The following TSC22D1 variants were observed in gnomAD, a reference collection of about 807,000 sequenced individuals.
TSC22D1 encodes TSC22 domain family protein 1.
Under a neutral mutation model 74.2 loss-of-function variants are expected in TSC22D1, and 9 were observed. That is an observed-to-expected ratio of 0.12 (90% confidence interval 0.07 to 0.21). The LOEUF (loss-of-function observed/expected upper bound fraction) is 0.21. Among genes scored for constraint, TSC22D1 ranks in the 10% least tolerant of loss-of-function variants. The pLI is 1.00. For missense variants in TSC22D1, 1,427 were observed against 1,304.7 expected (o/e 1.09, Z -1.44); for synonymous variants, 586 against 492.5 (o/e 1.19, Z -2.51).
chr13:44,470,065 A>G (rs746304105), intron 1 of TSC22D1, among the ~76,000 whole-genome samples: 18 of 152,184 alleles, frequency 1.2e-4, no homozygotes, highest in Non-Finnish European at 2.5e-4. Flanking sequence ...GCTGGAAACC[A>G]TGCCCTCTCC....
chr13:44,475,938 G>A (rs1268691905), intron 1 of TSC22D1, among the ~76,000 whole-genome samples: 1 of 152,132 alleles, frequency 6.6e-6, no homozygotes, highest in African/African-American at 2.4e-5. Flanking sequence ...GCAGTCTCCA[G>A]TGAAAATGAC....
chr13:44,570,520 A>AT (rs894354107), intron 1 of TSC22D1, among the ~76,000 whole-genome samples: 11 of 152,006 alleles, frequency 7.2e-5, no homozygotes, highest in Non-Finnish European at 1.5e-4. Flanking sequence ...AATAAGAATG[A>AT]TTTTTTTTAA....
intron 1 of TSC22D1, among the ~76,000 whole-genome samples, chr13:44,509,946 T>TAAGCAAAAAAAAAAAAAAAAAA (rs1879612700): frequency 2.3e-4 from 1 of 4,354 alleles, no homozygotes; most frequent in African/African-American, 9.8e-4. Flanking sequence ...AACTAGAAAA[T>TAAGCAAAAAAAAAAAAAAAAAA]AAGCAAAAAA....
At chr13:44,448,891 C>CTGTG (rs1875895712) in intron 1 of TSC22D1, among the ~76,000 whole-genome samples, 1 of 46,004 alleles carries the variant, frequency 2.2e-5, no homozygotes, top group African/African-American at 7.2e-5. Context: ...AATTCTAGAT[C>CTGTG]CGTGTGTGTG....
At chr13:44,572,144 A>G (rs1320685729) in intron 1 of TSC22D1, among the ~76,000 whole-genome samples, 1 of 152,184 alleles carries the variant, frequency 6.6e-6, no homozygotes, top group African/African-American at 2.4e-5. Context: ...TAACTCCTAT[A>G]ATAGCATTTT....
At chr13:44,517,396 T>C (rs1880047431) in intron 1 of TSC22D1, among the ~76,000 whole-genome samples, 1 of 151,254 alleles carries the variant, frequency 6.6e-6, no homozygotes, top group East Asian at 1.9e-4. Flanking sequence ...GGGTAAAGAT[T>C]AGAAAAAATA....
intron 1 of TSC22D1, among the ~76,000 whole-genome samples, chr13:44,438,401 T>C (rs1874914831): frequency 6.6e-6 from 1 of 152,230 alleles, no homozygotes; most frequent in Non-Finnish European, 1.5e-5. Context: ...CAGATCCATT[T>C]AGACAGTTTT....
chr13:44,541,708 A>G (rs982909489), intron 1 of TSC22D1, among the ~76,000 whole-genome samples: 2 of 152,134 alleles, frequency 1.3e-5, no homozygotes, highest in South Asian at 4.1e-4. Flanking sequence ...CAGATTAGAA[A>G]AAGGATCTGA....
chr13:44,561,393 A>G lies in TSC22D1; in HGVS notation c.2912+11770T>C, dbSNP rs564179791. On this transcript the variant is annotated intron_variant, in intron 1 of 2. Transcript: ENST00000458659. ...AACATAGTACTGATCAGGCCACTGCATGGTACAAAAACAAAAAAGAGCCCT... is the reference window on the plus strand; with the variant it reads ...AACATAGTACTGATCAGGCCACTGCGTGGTACAAAAACAAAAAAGAGCCCT... Among the ~76,000 whole-genome samples the G allele has an allele frequency of 9.3e-4, 141 of 152,336 alleles. 2 individuals are homozygous for G. In the South Asian group the frequency reaches 0.013, roughly 14 times the overall value.
chr13:44,508,423 T>C (rs1373126036), intron 1 of TSC22D1, among the ~76,000 whole-genome samples: 1 of 152,192 alleles, frequency 6.6e-6, no homozygotes. Flanking sequence ...TGGCCAGTTA[T>C]CTTCAGTTGT....
chr13:44,433,974 C>G lies in TSC22D1; in HGVS notation c.*652G>C. 6.5e-7 allele frequency: 1 copy of G among 1,534,108 alleles called. No individual in the cohort carries two copies. The highest frequency in any genetic ancestry group is 1.4e-5 in the African/African-American group (1 of 72,994). ...GTACAAAATAGTTACACTACATACACAAATATACAATAAGCAAAACAACCT... is the reference window on the plus strand; with the variant it reads ...GTACAAAATAGTTACACTACATACAGAAATATACAATAAGCAAAACAACCT... On this transcript the variant is annotated 3_prime_UTR_variant, in exon 3 of 3. Transcript: ENST00000458659.
chr13:44,563,849 C>T lies in TSC22D1; in HGVS notation c.2912+9314G>A, dbSNP rs79876220. Among the ~76,000 whole-genome samples, 492 of 152,318 alleles carry T rather than the reference C, an allele frequency of 3.2e-3. 1 individual carries two copies. Among genetic ancestry groups the T allele is most frequent in the Non-Finnish European group, 5.3e-3 (359 of 68,030 alleles). ...TGTTCCTTCATAGGTTGAATGAGATCAAGATTTCCAACTCTTAAGTTTCTG... is the reference window on the plus strand; with the variant it reads ...TGTTCCTTCATAGGTTGAATGAGATTAAGATTTCCAACTCTTAAGTTTCTG... On this transcript the variant is annotated intron_variant, in intron 1 of 2. Transcript: ENST00000458659.
At chr13:44,451,850 G>T (rs1355953028) in intron 1 of TSC22D1, among the ~76,000 whole-genome samples, 1 of 152,156 alleles carries the variant, frequency 6.6e-6, no homozygotes, top group African/African-American at 2.4e-5. Flanking sequence ...CTGCATGCCC[G>T]TATCTATCCC....
rs751379523 is a variant in TSC22D1, at chr13:44,573,188, G to A, written c.2887C>T (p.Pro963Ser). 2.5e-6 allele frequency: 4 copies of A among 1,614,142 alleles called. No individual in the cohort carries two copies. Among genetic ancestry groups the A allele is most frequent in the Non-Finnish European group, 3.4e-6 (4 of 1,180,024 alleles). ...CTCTCATCCTCGCCATCCACCAGGG[G>A]TGTCGTCAGCGGTAGCACCTTCAAC... The part of the protein sequence containing the change: ...FPLKVLPLTT[P>S]LVDGEDESSS... Residue 963 changes from proline (P) to serine (S), a missense_variant, in exon 1 of 3, where the codon CCC (proline) becomes TCC (serine). Transcript: ENST00000458659.
intron 1 of TSC22D1, among the ~76,000 whole-genome samples, chr13:44,501,271 T>G (rs1459213703): frequency 6.6e-6 from 1 of 152,078 alleles, no homozygotes; most frequent in African/African-American, 2.4e-5. Context: ...CAGCATGCAT[T>G]AACAGATATC....
Position 44,433,797 on chromosome 13 carries a change from T to G in TSC22D1, c.*829A>C. The G allele has an allele frequency of 1.8e-6, 1 of 549,402 alleles. No individual in the cohort carries two copies. Among genetic ancestry groups the G allele is most frequent in the Non-Finnish European group, 3.1e-6 (1 of 326,802 alleles). 34.0% of individuals were successfully genotyped at this position (549,402 alleles called of 1,614,324 possible). Reference sequence around the variant, plus strand: ...TCAGATTACACAAAGTGAGTAACTGTGCCAAATTCTTAAAATTTCTTTAGG... The same window carrying G: ...TCAGATTACACAAAGTGAGTAACTGGGCCAAATTCTTAAAATTTCTTTAGG... On this transcript the variant is annotated 3_prime_UTR_variant, in exon 3 of 3. Transcript: ENST00000458659.
intron 1 of TSC22D1, among the ~76,000 whole-genome samples, chr13:44,510,662 G>A (rs1183395949): frequency 2.0e-5 from 3 of 151,932 alleles, no homozygotes; most frequent in African/African-American, 7.3e-5. Flanking sequence ...GCATGATCTC[G>A]GCTCACTACA....
intron 1 of TSC22D1, among the ~76,000 whole-genome samples, chr13:44,473,486 C>T (rs956481530): frequency 2.0e-5 from 3 of 151,982 alleles, no homozygotes; most frequent in Non-Finnish European, 2.9e-5. Context: ...CAGAGCAAGA[C>T]CCCTGACTCT....
At chr13:44,564,416 T>C (rs1883237429) in intron 1 of TSC22D1, among the ~76,000 whole-genome samples, 1 of 152,130 alleles carries the variant, frequency 6.6e-6, no homozygotes, top group Admixed American at 6.5e-5. Context: ...ACAAACAACC[T>C]AAGTTTAGAT....
Sources: allele counts gnomAD v4.1 joint callset (sites outside exome capture counted in the v4.1 genomes callset), GRCh38; gene constraint gnomAD v4.1.1; transcripts MANE v1.5; gene names NCBI Gene and HGNC (gene_info 2026-07-23, HGNC 2026-07-21).